NCAM2: variants seen among roughly 807,000 people sequenced by gnomAD.
The protein encoded by NCAM2 is N-CAM-2.
NCAM2 carries 30 observed loss-of-function variants against 98.1 expected under a neutral mutation model. The observed-to-expected ratio is 0.31, with a 90% CI of 0.23 to 0.41. The LOEUF is 0.41. Ranked by LOEUF, NCAM2 falls within the 10% of genes least tolerant of loss-of-function variation. The probability of loss-of-function intolerance (pLI) is 1.00; values close to 1 mark genes in which losing one functional copy is unlikely to be tolerated. For missense variants in NCAM2, 867 were observed against 1,005.8 expected (o/e 0.86, Z 1.87); for synonymous variants, 368 against 342.4 (o/e 1.07, Z -0.83).
intron 11 of NCAM2, among the ~76,000 whole-genome samples, chr21:21,429,853 A>G (rs1467444861): frequency 6.6e-6 from 1 of 152,142 alleles, no homozygotes; most frequent in Non-Finnish European, 1.5e-5. Context: ...TAGAGTTGAA[A>G]TATACACTGT....
At chr21:21,122,681 C>A (rs1484099166) in intron 1 of NCAM2, among the ~76,000 whole-genome samples, 1 of 152,136 alleles carries the variant, frequency 6.6e-6, no homozygotes, top group Non-Finnish European at 1.5e-5. Context: ...CTATGGCTTA[C>A]GTCTTTCACC....
chr21:21,493,719 C>CT (rs1373904545), intron 15 of NCAM2, among the ~76,000 whole-genome samples: 1 of 151,980 alleles, frequency 6.6e-6, no homozygotes, highest in Non-Finnish European at 1.5e-5. Context: ...TTCCTCCCTC[C>CT]TTTCTCCACT....
chr21:21,460,945 T>A (rs1982885070), intron 12 of NCAM2, among the ~76,000 whole-genome samples: 1 of 151,170 alleles, frequency 6.6e-6, no homozygotes, highest in Admixed American at 6.6e-5. Flanking sequence ...AAAAAAAAAA[T>A]TAAAAAGTTT....
chr21:21,228,326 T>C (rs2070473251), intron 1 of NCAM2, among the ~76,000 whole-genome samples: 1 of 151,498 alleles, frequency 6.6e-6, no homozygotes, highest in Non-Finnish European at 1.5e-5. Context: ...GAAATTAAAG[T>C]TTTACAATCA....
At chr21:21,114,902 G>A (rs1187643662) in intron 1 of NCAM2, among the ~76,000 whole-genome samples, 1 of 151,778 alleles carries the variant, frequency 6.6e-6, no homozygotes, top group Non-Finnish European at 1.5e-5. Context: ...CTCACTGTAA[G>A]CTCTGCCTCC....
intron 1 of NCAM2, among the ~76,000 whole-genome samples, chr21:21,085,628 T>G (rs2065892222): frequency 6.6e-6 from 1 of 152,154 alleles, no homozygotes; most frequent in African/African-American, 2.4e-5. Context: ...TGCAGAACAC[T>G]ATGCGCCCTT....
At chr21:21,359,106 GTTTTTCT>G (rs774473814) in intron 8 of NCAM2, among the ~76,000 whole-genome samples, 3 of 151,848 alleles carry the variant, frequency 2.0e-5, no homozygotes, top group Non-Finnish European at 4.4e-5. Flanking sequence ...CTGTGTGTGT[GTTTTTCT>G]TTTTTCTTTT....
chr21:21,042,077 G>C (rs1657515207), intron 1 of NCAM2, among the ~76,000 whole-genome samples: 1 of 152,090 alleles, frequency 6.6e-6, no homozygotes, highest in Admixed American at 6.6e-5. Context: ...ATATACAAAG[G>C]CAGGGATTAT....
At chr21:21,219,906 C>T (rs888264748) in intron 1 of NCAM2, among the ~76,000 whole-genome samples, 4 of 151,832 alleles carry the variant, frequency 2.6e-5, no homozygotes, top group East Asian at 1.9e-4. Context: ...TATGTGTTTG[C>T]GTCACAGTTT....
intron 12 of NCAM2, among the ~76,000 whole-genome samples, chr21:21,436,359 C>T (rs1366378714): frequency 6.6e-6 from 1 of 152,170 alleles, no homozygotes; most frequent in African/African-American, 2.4e-5. Flanking sequence ...TTGTTTTACC[C>T]TGAACCACTT....
chr21:21,154,947 G>T (rs2067568360), intron 1 of NCAM2, among the ~76,000 whole-genome samples: 1 of 151,752 alleles, frequency 6.6e-6, no homozygotes, highest in Admixed American at 6.6e-5. Flanking sequence ...CTATGGTAAT[G>T]AAAATTAAAA....
At chr21:21,432,433 T>C in intron 12 of NCAM2, 152 bp downstream of exon 12, 1 of 671,388 alleles carries the variant, frequency 1.5e-6, no homozygotes, top group Non-Finnish European at 2.5e-6. Context: ...TTCTTGATAA[T>C]AACTCGAATA....
At chr21:21,132,922 A>G (rs574352669) in intron 1 of NCAM2, among the ~76,000 whole-genome samples, 123 of 152,318 alleles carry the variant, frequency 8.1e-4, no homozygotes, top group Non-Finnish European at 1.6e-3. Context: ...CCACTTTTCT[A>G]TCTTCTGAGA....
At chr21:21,434,307 C>T (rs1569060008) in intron 12 of NCAM2, among the ~76,000 whole-genome samples, 1 of 152,100 alleles carries the variant, frequency 6.6e-6, no homozygotes, top group African/African-American at 2.4e-5. Context: ...AGAATATGAA[C>T]TAGGGAAGCT....
chr21:21,027,283 C>T (rs2064570982), intron 1 of NCAM2, among the ~76,000 whole-genome samples: 1 of 152,152 alleles, frequency 6.6e-6, no homozygotes, highest in Non-Finnish European at 1.5e-5. Flanking sequence ...AAGGTGAGCT[C>T]ATTCATGTAT....
In NCAM2 at chr21:21,325,035, TTA is replaced by T. The variant is rs199932428; in HGVS notation, c.737+537_737+538del. Among the ~76,000 whole-genome samples, 15 of 149,650 alleles carry T rather than the reference TTA, an allele frequency of 1.0e-4. No individual in the cohort carries two copies. In the East Asian group the frequency reaches 1.5e-3, roughly 15 times the overall value. Reference sequence around the variant, plus strand: ...TATTCTAAATCTATAATTTGATAGTTTATTTTTTTAGAATTTTAAAATACTAT... The same window carrying T: ...TATTCTAAATCTATAATTTGATAGTTTTTTTTTAGAATTTTAAAATACTAT... On this transcript the variant is annotated intron_variant, in intron 6 of 17. Transcript: ENST00000400546.
intron 1 of NCAM2, among the ~76,000 whole-genome samples, chr21:21,163,094 T>C (rs879597535): frequency 3.3e-5 from 5 of 152,174 alleles, no homozygotes; most frequent in African/African-American, 7.2e-5. Flanking sequence ...CAAAAAGAGA[T>C]GTTCATATAA....
chr21:21,099,416 G>T (rs2146481425), intron 1 of NCAM2, among the ~76,000 whole-genome samples: 1 of 151,962 alleles, frequency 6.6e-6, no homozygotes, highest in African/African-American at 2.4e-5. Context: ...TCACAGTTCT[G>T]CATGACTGGG....
intron 1 of NCAM2, among the ~76,000 whole-genome samples, chr21:21,053,944 C>CT (rs11288881): frequency 2.0e-5 from 3 of 147,860 alleles, no homozygotes; most frequent in African/African-American, 7.4e-5. Flanking sequence ...TTAAGCTATT[C>CT]TTTTTTTTTT....
Sources: allele counts gnomAD v4.1 joint callset (sites outside exome capture counted in the v4.1 genomes callset), GRCh38; gene constraint gnomAD v4.1.1; transcripts MANE v1.5; gene names NCBI Gene and HGNC (gene_info 2026-07-23, HGNC 2026-07-21).